Variants in CDCA7L observed in about 807,000 individuals in gnomAD.
The protein encoded by CDCA7L is cell division cycle-associated 7-like protein.
A neutral mutation model predicts 57.4 loss-of-function variants in CDCA7L; 44 were observed. The ratio of observed to expected loss-of-function variants is 0.77; its 90% CI spans 0.60 to 0.98. The LOEUF (loss-of-function observed/expected upper bound fraction) is 0.98. CDCA7L is among the 50% of genes least tolerant of loss of function. CDCA7L has a pLI of 0.00. For synonymous variants in CDCA7L, 236 were observed against 202.8 expected, an observed-to-expected ratio of 1.16 and a Z score of -1.39; for missense variants, 644 against 580.6, an observed-to-expected ratio of 1.11 and a Z score of -1.12.
At chr7:21,918,052 C>T (rs1206042792) in intron 1 of CDCA7L, among the ~76,000 whole-genome samples, 1 of 123,798 alleles carries the variant, frequency 8.1e-6, no homozygotes, top group Non-Finnish European at 1.6e-5. Context: ...GTATTCTGAG[C>T]TTATCTGAGT....
intron 3 of CDCA7L, among the ~76,000 whole-genome samples, chr7:21,908,908 G>A (rs187932090): frequency 5.1e-4 from 77 of 152,298 alleles, no homozygotes; most frequent in Admixed American, 3.1e-3. Context: ...ACGCAACGGG[G>A]GAAAAATGCT....
At chr7:21,904,405 C>G (rs2128056911) in intron 7 of CDCA7L, 146 bp from the exon 8 acceptor site, 2 of 874,870 alleles carry the variant, frequency 2.3e-6, no homozygotes, top group East Asian at 5.9e-5. Context: ...AGAACCACAG[C>G]ATTGTCTCTA....
chr7:21,914,381 G>C (rs1208305545), intron 2 of CDCA7L, among the ~76,000 whole-genome samples: 1 of 152,184 alleles, frequency 6.6e-6, no homozygotes, highest in East Asian at 1.9e-4. Flanking sequence ...CTAACAGGGA[G>C]GCAGACAGGT....
chr7:21,909,746 G>A (rs115485327), intron 3 of CDCA7L, among the ~76,000 whole-genome samples: 5 of 152,098 alleles, frequency 3.3e-5, no homozygotes, highest in Non-Finnish European at 7.3e-5. Flanking sequence ...CCTCATCATC[G>A]ACAGGCCTCT....
At chr7:21,902,577 T>TATTA (rs1554294924) in intron 9 of CDCA7L, 5 of 582,382 alleles carry the variant, frequency 8.6e-6, no homozygotes, top group East Asian at 5.7e-5. Flanking sequence ...ATTCAGAGTT[T>TATTA]ATTAATTACA....
At chr7:21,902,600 G>A (rs1434187094) in intron 9 of CDCA7L, 5 of 496,398 alleles carry the variant, frequency 1.0e-5, no homozygotes, top group East Asian at 4.1e-5. Flanking sequence ...AATGAAACTT[G>A]TAACTCACAT....
chr7:21,907,947 C>A (rs577218237), intron 4 of CDCA7L, among the ~76,000 whole-genome samples, 183 bp downstream of exon 4: 1 of 152,198 alleles, frequency 6.6e-6, no homozygotes, highest in Non-Finnish European at 1.5e-5. Context: ...CAAACCAGAG[C>A]TGATCATGTA....
Position 21,901,342 on chromosome 7 carries a change from A to AAC in CDCA7L, c.*978_*979dup. ...GCACTGTTCCCATGCACATTATTCT[A>AAC]ACTTTTTAGTAACTCACACGTGCAT... On this transcript the variant is annotated 3_prime_UTR_variant, in exon 10 of 10. Coordinates refer to ENST00000406877, the MANE Select transcript of CDCA7L (RefSeq NM_018719.5). 7.2e-7 allele frequency: 1 copy of AAC among 1,393,976 alleles called. No homozygotes were observed. The highest frequency in any genetic ancestry group is 9.4e-7 in the Non-Finnish European group (1 of 1,064,358). 86.4% of individuals were successfully genotyped at this position (1,393,976 alleles called of 1,614,324 possible). A position where few individuals can be genotyped will look rare whatever the true frequency, so the allele number is the denominator to read the frequency against.
At chr7:21,922,936 G>T (rs1469886495) in intron 1 of CDCA7L, among the ~76,000 whole-genome samples, 1 of 152,176 alleles carries the variant, frequency 6.6e-6, no homozygotes, top group Non-Finnish European at 1.5e-5. Context: ...AGAACGGTAT[G>T]ATTCTACTTA....
chr7:21,920,061 T>C (rs553109664), intron 1 of CDCA7L, among the ~76,000 whole-genome samples: 2 of 152,360 alleles, frequency 1.3e-5, no homozygotes, highest in African/African-American at 4.8e-5. Flanking sequence ...TTAAATTGAG[T>C]GCATGGAGGT....
rs1784873439 is a variant in CDCA7L at position 21,901,723 on chromosome 7, A to C, written c.*599T>G. 1.3e-5 allele frequency: 2 copies of C among 155,782 alleles called. No individual in the cohort carries two copies. The highest frequency in any genetic ancestry group is 1.3e-4 in the Admixed American group (2 of 15,776). 9.6% of individuals were successfully genotyped at this position (155,782 alleles called of 1,614,324 possible). On this transcript the variant is annotated 3_prime_UTR_variant, in exon 10 of 10. Coordinates refer to ENST00000406877, the MANE Select transcript of CDCA7L (RefSeq NM_018719.5). ...ATATAAAAGCAGCAGGCCCCAGGTG[A>C]GTCCTGAAGGAAGAGGCTAGCACTC...
At position 21,911,893 on chromosome 7, in the gene CDCA7L, C is replaced by T. The variant is rs1785340363; in HGVS notation, c.166-139G>A. On this transcript the variant is annotated intron_variant, in intron 2 of 9. Coordinates refer to ENST00000406877, the MANE Select transcript of CDCA7L (RefSeq NM_018719.5). ...ATGGATGGACAACAATGTGAATGTA[C>T]TTAATGCACTGAACTGTACACATCA... 6.0e-6 allele frequency: 4 copies of T among 664,996 alleles called. No individual in the cohort carries two copies. The East Asian group carries it at 8.3e-5, about 14-fold the overall frequency. The allele number at this position is 664,996 out of a possible 1,614,324, so 41.2% of individuals were successfully genotyped here.
intron 9 of CDCA7L, chr7:21,902,642 A>G: frequency 9.6e-6 from 5 of 521,672 alleles, no homozygotes; most frequent in East Asian, 6.6e-5. Flanking sequence ...CTCTCTCTGC[A>G]CTAGGATTAT....
chr7:21,902,527 C>CCAAGCATGACTTGCCTCACTCCCGCAT (rs1784951179), intron 9 of CDCA7L, 175 bp from the exon 10 acceptor site: 1 of 627,648 alleles, frequency 1.6e-6, no homozygotes, highest in African/African-American at 1.8e-5. Flanking sequence ...GTAGTACGCC[C>CCAAGCATGACTTGCCTCACTCCCGCAT]CAAGCATGAC....
intron 1 of CDCA7L, among the ~76,000 whole-genome samples, chr7:21,924,457 C>T (rs1181822183): frequency 6.6e-6 from 1 of 152,190 alleles, no homozygotes; most frequent in Non-Finnish European, 1.5e-5. Flanking sequence ...GAGATCTACA[C>T]AGAGGAGAGC....
Position 21,918,689 on chromosome 7 carries a change from T to C in CDCA7L, c.25-1795A>G, listed in dbSNP as rs888593933. ...AGGCTTTACTTCTAGTTGGCTTGCTTTTGCCAAGACTACTTTTTAGGAAGT... is the reference window on the plus strand; with the variant it reads ...AGGCTTTACTTCTAGTTGGCTTGCTCTTGCCAAGACTACTTTTTAGGAAGT... On this transcript the variant is annotated intron_variant, in intron 1 of 9. Coordinates refer to ENST00000406877, the MANE Select transcript of CDCA7L (RefSeq NM_018719.5). 5.3e-5 allele frequency among the ~76,000 whole-genome samples: 8 copies of C among 151,892 alleles called. No individual in the cohort carries two copies. In the East Asian group the frequency reaches 1.5e-3, roughly 29 times the overall value.
intron 1 of CDCA7L, 54 bp from the exon 2 acceptor site, chr7:21,916,948 T>G (rs568938128): frequency 1.2e-6 from 2 of 1,602,814 alleles, no homozygotes; most frequent in Non-Finnish European, 1.7e-6. Flanking sequence ...GCTAATCACT[T>G]AGGGACATTT....
At chr7:21,916,513 TTA>T (rs1491234420) in intron 2 of CDCA7L, among the ~76,000 whole-genome samples, 1 of 39,728 alleles carries the variant, frequency 2.5e-5, no homozygotes, top group Non-Finnish European at 4.6e-5. Context: ...GTCCCTTTAT[TTA>T]AAAAAAAAAA....
At chr7:21,923,366 G>C (rs1211831834) in intron 1 of CDCA7L, among the ~76,000 whole-genome samples, 1 of 152,006 alleles carries the variant, frequency 6.6e-6, no homozygotes. Context: ...GGTGGCGTGT[G>C]CCTGTAGTCC....
Sources: gnomAD v4.1 joint callset for allele counts (sites outside exome capture counted in the v4.1 genomes callset) on GRCh38, gnomAD v4.1.1 for gene constraint, MANE v1.5 for transcripts, NCBI Gene and HGNC (gene_info 2026-07-23, HGNC 2026-07-21) for gene names.